The following PLEKHM3 variants were observed in gnomAD, a reference collection of about 807,000 sequenced individuals.
PLEKHM3 encodes pleckstrin homology domain containing M3.
A neutral mutation model predicts 81.8 loss-of-function variants in PLEKHM3; 45 were observed. The ratio of observed to expected loss-of-function variants is 0.55; its 90% CI spans 0.43 to 0.71. PLEKHM3 has a LOEUF of 0.71. PLEKHM3 is among the 30% of genes least tolerant of loss of function. The pLI is 0.00. For missense variants in PLEKHM3, 788 were observed against 924.3 expected, an observed-to-expected ratio of 0.85 and a Z score of 1.91; for synonymous variants, 352 against 356.4, an observed-to-expected ratio of 0.99 and a Z score of 0.14.
chr2:207,952,366 C>T (rs151243566), intron 3 of PLEKHM3, among the ~76,000 whole-genome samples: 1 of 152,144 alleles, frequency 6.6e-6, no homozygotes, highest in Non-Finnish European at 1.5e-5. Flanking sequence ...TAAAATGTTG[C>T]TTGAAGGCCT....
chr2:207,921,765 T>C (rs1689190083), intron 5 of PLEKHM3, among the ~76,000 whole-genome samples: 2 of 152,210 alleles, frequency 1.3e-5, no homozygotes, highest in African/African-American at 4.8e-5. Flanking sequence ...GGAGTATTTG[T>C]CTCTCTGTGC....
Position 207,901,241 on chromosome 2 carries a change from C to T in PLEKHM3, c.1950+7273G>A, listed in dbSNP as rs146169400. The T allele has an allele frequency of 1.6e-4, 115 of 702,942 alleles. 1 individual carries two copies. The highest frequency in any genetic ancestry group is 1.1e-3 in the African/African-American group (61 of 57,368). 43.5% of individuals were successfully genotyped at this position (702,942 alleles called of 1,614,324 possible). On this transcript the variant is annotated intron_variant, in intron 6 of 7. Transcript: ENST00000427836. ...GTGCCGCACATTTGCTGCCACATCC[C>T]GTGCCGAGCTCCCCCGATCCTTCAA...
In PLEKHM3 at chr2:207,902,855, C is replaced by CCCACCCATCCAT. The variant is rs1553551571; in HGVS notation, c.1950+5658_1950+5659insATGGATGGGTGG. ...ATCCACCCACCCACCCATCCACCCACCCATCCATCCATCCACTGAACATTT... is the reference window on the plus strand; with the variant it reads ...ATCCACCCACCCACCCATCCACCCACCCACCCATCCATCCATCCATCCATCCACTGAACATTT... On this transcript the variant is annotated intron_variant, in intron 6 of 7. Coordinates refer to ENST00000427836, the MANE Select transcript of PLEKHM3 (RefSeq NM_001080475.3). 8.7e-4 allele frequency among the ~76,000 whole-genome samples: 115 copies of CCCACCCATCCAT among 131,650 alleles called. 1 individual carries two copies. The highest frequency in any genetic ancestry group is 3.5e-3 in the African/African-American group (113 of 32,194). The allele number at this position is 131,650 out of a possible 152,430, so 86.4% of individuals were successfully genotyped here. A position where few individuals can be genotyped will look rare whatever the true frequency, so the allele number is the denominator to read the frequency against.
intron 7 of PLEKHM3, among the ~76,000 whole-genome samples, chr2:207,834,228 C>T (rs2092304804): frequency 6.6e-6 from 1 of 151,324 alleles, no homozygotes; most frequent in South Asian, 2.1e-4. Flanking sequence ...CTCCCAGGTT[C>T]AAGTGATTCT....
intron 6 of PLEKHM3, among the ~76,000 whole-genome samples, chr2:207,883,753 G>T (rs1687785364): frequency 6.6e-6 from 1 of 152,004 alleles, no homozygotes; most frequent in Non-Finnish European, 1.5e-5. Flanking sequence ...AAAAACTAGA[G>T]AAAATAACTA....
At chr2:207,856,987 G>A (rs554561426) in intron 7 of PLEKHM3, among the ~76,000 whole-genome samples, 1 of 152,094 alleles carries the variant, frequency 6.6e-6, no homozygotes, top group East Asian at 1.9e-4. Flanking sequence ...TTTGGTAACT[G>A]TTCCATGCGA....
chr2:207,980,276 C>A (rs1691474933), intron 2 of PLEKHM3, among the ~76,000 whole-genome samples: 1 of 152,104 alleles, frequency 6.6e-6, no homozygotes, highest in South Asian at 2.1e-4. Context: ...GGGCCCAAAC[C>A]AGCAGCAAGC....
chr2:207,931,226 C>G (rs1465795056), intron 4 of PLEKHM3, 107 bp from the exon 5 acceptor site: 1 of 1,060,468 alleles, frequency 9.4e-7, no homozygotes, highest in East Asian at 2.8e-5. Flanking sequence ...ATTATTTTCT[C>G]AATACAGACA....
intron 5 of PLEKHM3, among the ~76,000 whole-genome samples, chr2:207,925,098 A>G (rs1246391734): frequency 6.6e-6 from 1 of 152,008 alleles, no homozygotes; most frequent in Admixed American, 6.5e-5. Context: ...TGAGTGCTTA[A>G]GATGGGATCT....
At chr2:207,865,803 G>GATATATATAT (rs71036961) in intron 6 of PLEKHM3, among the ~76,000 whole-genome samples, 7 of 29,408 alleles carry the variant, frequency 2.4e-4, no homozygotes, top group South Asian at 1.4e-3. Context: ...AAAAAAAAAA[G>GATATATATAT]ATATATATAT....
intron 3 of PLEKHM3, among the ~76,000 whole-genome samples, chr2:207,950,013 G>A (rs960711162): frequency 4.6e-5 from 7 of 152,118 alleles, no homozygotes; most frequent in African/African-American, 1.4e-4. Context: ...CCATGCTGGG[G>A]GATCAACTCA....
chr2:207,993,710 AGCCCAGTTGACCACT>A (rs1691978168), intron 2 of PLEKHM3, among the ~76,000 whole-genome samples: 1 of 152,132 alleles, frequency 6.6e-6, no homozygotes. Flanking sequence ...CGGAAACAAA[AGCCCAGTTGACCACT>A]GCCCTTGCCA....
At position 207,861,151 on chromosome 2, in the gene PLEKHM3, T is replaced by TA. The variant is rs1213844506; in HGVS notation, c.2061dup (p.Asn688Ter). On this transcript the variant is annotated frameshift_variant, in exon 7 of 8. Coordinates refer to ENST00000427836, the MANE Select transcript of PLEKHM3 (RefSeq NM_001080475.3). LOFTEE classifies it high-confidence loss of function. ...AAAGGGTAGAGGATCTCTCCATTGT[T>TA]ACAGATTTCACAGATGAACCCCTTC... 1 of 1,614,128 alleles carries TA rather than the reference T, an allele frequency of 6.2e-7. No individual in the cohort carries two copies. The highest frequency in any genetic ancestry group is 1.3e-5 in the African/African-American group (1 of 75,042).
chr2:207,965,778 A>C (rs931493467), intron 3 of PLEKHM3, among the ~76,000 whole-genome samples: 1 of 152,224 alleles, frequency 6.6e-6, no homozygotes, highest in Non-Finnish European at 1.5e-5. Context: ...AAAGTAATTT[A>C]TTTAATGATA....
In PLEKHM3 at chr2:207,944,612, A is replaced by C. The variant is rs147044172; in HGVS notation, c.1692+1755T>G. Among the ~76,000 whole-genome samples the C allele has an allele frequency of 1.1e-3, 165 of 152,320 alleles. 1 individual carries two copies. The highest frequency in any genetic ancestry group is 7.8e-4 in the Non-Finnish European group (53 of 68,020). On this transcript the variant is annotated intron_variant, in intron 4 of 7. Transcript: ENST00000427836. The stretch of plus-strand genomic sequence containing the variant: ...GTATTTCATCTCTTTAAGATCACAG[A>C]TGCTGAAATAAAAGAATCTGATGAA...
chr2:207,834,075 C>T (rs574572890), intron 7 of PLEKHM3, among the ~76,000 whole-genome samples: 13 of 151,934 alleles, frequency 8.6e-5, no homozygotes, highest in South Asian at 6.2e-4. Context: ...ATATCAGTGA[C>T]GCAATGCTGT....
At chr2:207,861,717 A>G (rs1438673079) in intron 6 of PLEKHM3, among the ~76,000 whole-genome samples, 1 of 152,166 alleles carries the variant, frequency 6.6e-6, no homozygotes, top group East Asian at 1.9e-4. Context: ...ATCTTCCCCA[A>G]GAACATAGAG....
At chr2:207,833,111 C>CAAAAAAAAAAAAAAAAAAAAAAAAAA (rs71036960) in intron 7 of PLEKHM3, among the ~76,000 whole-genome samples, 1 of 76,872 alleles carries the variant, frequency 1.3e-5, no homozygotes, top group Non-Finnish European at 2.6e-5. Context: ...GACACCATCT[C>CAAAAAAAAAAAAAAAAAAAAAAAAAA]AAAAAAAAAA....
chr2:208,006,038 G>C (rs922891367), intron 1 of PLEKHM3, among the ~76,000 whole-genome samples: 4 of 152,224 alleles, frequency 2.6e-5, no homozygotes, highest in African/African-American at 9.6e-5. Flanking sequence ...GTACCAAAAT[G>C]ATCAGCCAGT....
Sources: gnomAD v4.1 joint callset for allele counts (sites outside exome capture counted in the v4.1 genomes callset) on GRCh38, gnomAD v4.1.1 for gene constraint, MANE v1.5 for transcripts, NCBI Gene and HGNC (gene_info 2026-07-23, HGNC 2026-07-21) for gene names.